SSH1: variants seen among roughly 807,000 people sequenced by gnomAD.
The protein encoded by SSH1 is protein phosphatase Slingshot homolog 1.
A neutral mutation model predicts 79.7 loss-of-function variants in SSH1; 43 were observed. That is an observed-to-expected ratio of 0.54 (90% CI 0.42 to 0.70). The LOEUF is 0.70. SSH1 is among the 30% of genes least tolerant of loss of function. The pLI is 0.00. For synonymous variants in SSH1, 599 were observed against 538.3 expected (o/e 1.11, Z -1.56); for missense variants, 1,206 against 1,358.8 (o/e 0.89, Z 1.77).
rs767816791 is a variant in SSH1, at chr12:108,792,833, C to T, written c.1350-4G>A. 1.5e-5 allele frequency: 24 copies of T among 1,612,924 alleles called. No homozygotes were observed. The South Asian group carries it at 1.6e-4, about 11-fold the overall frequency. ...CAGCTTGTTGTGCCGCTGTTTGCTG[C>T]GGGGAGAGAGGGTAGAGGAAGGTGA... is the stretch of plus-strand genomic sequence containing the variant. On this transcript the variant is annotated splice_region_variant and splice_polypyrimidine_tract_variant and intron_variant, in intron 13 of 14. Transcript: ENST00000326495.
At chr12:108,839,197 C>T (rs992746676) in intron 2 of SSH1, among the ~76,000 whole-genome samples, 1 of 152,206 alleles carries the variant, frequency 6.6e-6, no homozygotes, top group Non-Finnish European at 1.5e-5. Flanking sequence ...TAAAAACCAC[C>T]TCCATTACCA....
At chr12:108,843,646 T>C (rs1247395136) in intron 2 of SSH1, among the ~76,000 whole-genome samples, 1 of 152,208 alleles carries the variant, frequency 6.6e-6, no homozygotes, top group African/African-American at 2.4e-5. Flanking sequence ...GTGATTCTCC[T>C]GCCTCAGCCT....
intron 13 of SSH1, among the ~76,000 whole-genome samples, chr12:108,797,099 C>T (rs1160731665): frequency 3.3e-5 from 5 of 152,108 alleles, no homozygotes; most frequent in Non-Finnish European, 7.4e-5. Context: ...CATTAACATC[C>T]ACATTAAGGT....
At chr12:108,837,541 G>A (rs1054918281) in intron 2 of SSH1, among the ~76,000 whole-genome samples, 1 of 152,136 alleles carries the variant, frequency 6.6e-6, no homozygotes, top group African/African-American at 2.4e-5. Context: ...CTTTCAAATG[G>A]TTCAAAAAAG....
intron 2 of SSH1, among the ~76,000 whole-genome samples, chr12:108,849,294 T>C (rs150394850): frequency 6.4e-4 from 97 of 152,338 alleles, no homozygotes; most frequent in African/African-American, 2.3e-3. Flanking sequence ...TCATCACGCC[T>C]GTAATCCCAG....
In SSH1 at chr12:108,817,082, G is replaced by T; in HGVS notation, c.357C>A (p.Thr119=). 1 of 1,614,154 alleles carries T rather than the reference G, an allele frequency of 6.2e-7. No individual in the cohort carries two copies. Among genetic ancestry groups the T allele is most frequent in the Non-Finnish European group, 8.5e-7 (1 of 1,180,024 alleles). Residue 119 remains threonine (T), a synonymous_variant, in exon 5 of 15, where the codon ACC becomes ACA. Transcript: ENST00000326495. ...VVVYSSGRQD[T]EENILLGVDF... The stretch of plus-strand genomic sequence containing the variant: ...CCACTCCCAGCAAGATATTCTCCTC[G>T]GTGTCCTGGCGCCCGCTGCTGTACA...
chr12:108,791,997 G>A, intron 14 of SSH1: 2 of 1,361,456 alleles, frequency 1.5e-6, no homozygotes, highest in South Asian at 2.3e-5. Context: ...CCCAGGGTAT[G>A]AATAAGGTAC....
intron 1 of SSH1, among the ~76,000 whole-genome samples, chr12:108,855,153 C>T (rs910225540): frequency 6.6e-6 from 1 of 152,098 alleles, no homozygotes; most frequent in African/African-American, 2.4e-5. Flanking sequence ...ATTATACAGC[C>T]ATGAAAAGGA....
intron 10 of SSH1, among the ~76,000 whole-genome samples, chr12:108,802,663 C>G (rs1593036464): frequency 6.6e-6 from 1 of 152,094 alleles, no homozygotes; most frequent in East Asian, 1.9e-4. Context: ...TCCCCACTTC[C>G]TTTCCTAAGA....
At chr12:108,831,573 G>T (rs983751579) in intron 2 of SSH1, among the ~76,000 whole-genome samples, 4 of 152,186 alleles carry the variant, frequency 2.6e-5, no homozygotes, top group African/African-American at 9.6e-5. Context: ...AAGTTCCACG[G>T]TGGAAGGAGG....
In SSH1 at chr12:108,784,134, T is replaced by C. The variant is rs1322067518; in HGVS notation, c.*3854A>G. 1.3e-5 allele frequency: 2 copies of C among 152,228 alleles called. No homozygotes were observed. Among genetic ancestry groups the C allele is most frequent in the African/African-American group, 4.8e-5 (2 of 41,450 alleles). 9.4% of individuals were successfully genotyped at this position (152,228 alleles called of 1,614,324 possible). ...TTAATAGGATCTTGACTAAATTATGTAGCATTTGTTCCCACTAGAGAGAAA... is the reference window on the plus strand; with the variant it reads ...TTAATAGGATCTTGACTAAATTATGCAGCATTTGTTCCCACTAGAGAGAAA... On this transcript the variant is annotated 3_prime_UTR_variant, in exon 15 of 15. Transcript: ENST00000326495.
Position 108,792,420 on chromosome 12 carries a change from C to T in SSH1, c.1759G>A (p.Val587Met), listed in dbSNP as rs1296752324. 6 of 1,614,094 alleles carry T rather than the reference C, an allele frequency of 3.7e-6. No individual in the cohort carries two copies. The highest frequency in any genetic ancestry group is 4.2e-6 in the Non-Finnish European group (5 of 1,180,042). ...PKGRSGSLLQ[V>M]EETEREEGLG... Reference sequence around the variant, plus strand: ...CCCTCCTCCCTTTCCGTCTCCTCCACCTGCAGCAAGGAGCCGCTCCGACCT... The same window carrying T: ...CCCTCCTCCCTTTCCGTCTCCTCCATCTGCAGCAAGGAGCCGCTCCGACCT... The change falls in exon 14 of 15, where the codon GTG (valine) becomes ATG (methionine). Residue 587 changes from valine (V) to methionine (M), a missense_variant. Around this residue, in one of 5 missense-constraint regions of SSH1, gnomAD observed 709 missense variants for 730.6 expected, o/e 0.97. Coordinates refer to ENST00000326495, the MANE Select transcript of SSH1 (RefSeq NM_018984.4).
intron 13 of SSH1, among the ~76,000 whole-genome samples, chr12:108,795,262 C>CT (rs1203964983): frequency 5.3e-4 from 78 of 146,564 alleles, no homozygotes; most frequent in African/African-American, 7.2e-4. Flanking sequence ...TCTTTAAAAA[C>CT]TTTTTTTTTT....
chr12:108,805,225 A>G, intron 9 of SSH1, 41 bp from the exon 10 acceptor site: 2 of 1,599,240 alleles, frequency 1.3e-6, no homozygotes, highest in Non-Finnish European at 1.7e-6. Flanking sequence ...TTTGTTAAAG[A>G]AAACAATCGT....
chr12:108,806,393 G>C lies in SSH1; in HGVS notation c.733C>G (p.Pro245Ala), dbSNP rs1352113424. The change falls in exon 9 of 15, where the codon CCC becomes GCC. Residue 245 changes from proline to alanine, a missense_variant and splice_region_variant. Pro to Ala is a conservative substitution (Grantham distance 27). Coordinates refer to ENST00000326495, the MANE Select transcript of SSH1 (RefSeq NM_018984.4). ...CGCTCGGTCCTTTCCCCTTCAGTGGGCCTGGAAAGAAATGACGTTTAGGAG... is the reference window on the plus strand; with the variant it reads ...CGCTCGGTCCTTTCCCCTTCAGTGGCCCTGGAAAGAAATGACGTTTAGGAG... ...PDSPALFVDK[P>A]TEGERTERLI... The C allele has an allele frequency of 6.2e-7, 1 of 1,614,050 alleles. No homozygotes were observed. The highest frequency in any genetic ancestry group is 1.7e-5 in the Admixed American group (1 of 60,024).
chr12:108,805,291 G>A (rs1426108468), intron 9 of SSH1, 107 bp from the exon 10 acceptor site: 1 of 1,318,040 alleles, frequency 7.6e-7, no homozygotes, highest in Non-Finnish European at 1.1e-6. Flanking sequence ...CAAAAAAGGT[G>A]GGTGTTTTTT....
intron 7 of SSH1, among the ~76,000 whole-genome samples, chr12:108,808,383 G>C (rs1264134316): frequency 6.6e-6 from 1 of 152,164 alleles, no homozygotes; most frequent in Non-Finnish European, 1.5e-5. Flanking sequence ...TCTAAGAGTG[G>C]CCAGAACACC....
chr12:108,815,328 C>T (rs2037834656), intron 5 of SSH1, among the ~76,000 whole-genome samples: 1 of 152,192 alleles, frequency 6.6e-6, no homozygotes, highest in Non-Finnish European at 1.5e-5. Context: ...TTCACAGAGG[C>T]ATTTTGTAGG....
chr12:108,791,884 G>C, intron 14 of SSH1: 1 of 1,224,592 alleles, frequency 8.2e-7, no homozygotes, highest in Non-Finnish European at 1.0e-6. Flanking sequence ...TGGTAGGGGT[G>C]AGATGAAAAA....
Sources: gnomAD v4.1 joint callset for allele counts (sites outside exome capture counted in the v4.1 genomes callset) on GRCh38, gnomAD v4.1.1 for gene constraint, gnomAD v4.1.1 regional missense constraint, MANE v1.5 for transcripts, NCBI Gene and HGNC (gene_info 2026-07-23, HGNC 2026-07-21) for gene names.